The following COL5A2 variants were observed in gnomAD, a reference collection of about 807,000 sequenced individuals.
COL5A2 encodes collagen type V alpha 2 chain.
Under a neutral mutation model 208.2 loss-of-function variants are expected in COL5A2, and 23 were observed. The ratio of observed to expected loss-of-function variants is 0.11; its 90% confidence interval spans 0.08 to 0.16. COL5A2 has a LOEUF of 0.16. COL5A2 is among the 10% of genes least tolerant of loss of function. The pLI, the probability that COL5A2 is intolerant of heterozygous loss-of-function variation, is 1.00. For missense variants in COL5A2, 1,590 were observed against 1,956.4 expected (o/e 0.81, Z 3.53); for synonymous variants, 625 against 628.5 (o/e 0.99, Z 0.08).
chr2:189,224,798 A>T (rs1409669457), intron 1 of COL5A2, among the ~76,000 whole-genome samples: 2 of 152,156 alleles, frequency 1.3e-5, no homozygotes, highest in South Asian at 4.1e-4. Flanking sequence ...AAAACTTTCT[A>T]TGCATCCAAA....
intron 1 of COL5A2, among the ~76,000 whole-genome samples, chr2:189,211,899 T>C (rs1689217202): frequency 6.6e-6 from 1 of 152,124 alleles, no homozygotes; most frequent in Admixed American, 6.5e-5. Flanking sequence ...AAACCACCAA[T>C]AGCCTCGAGC....
chr2:189,399,567 G>A, the COL5A2 span, among the ~76,000 whole-genome samples: 1 of 151,934 alleles, frequency 6.6e-6, no homozygotes, highest in African/African-American at 2.4e-5. Flanking sequence ...GTTTTTGAAG[G>A]ATATATTTTT....
At chr2:189,143,177 A>C (rs1687968921) in intron 1 of COL5A2, among the ~76,000 whole-genome samples, 2 of 152,090 alleles carry the variant, frequency 1.3e-5, no homozygotes, top group South Asian at 4.1e-4. Flanking sequence ...CAGTTTGTAC[A>C]CTTCACAAAG....
the COL5A2 span, among the ~76,000 whole-genome samples, chr2:189,413,628 G>A: frequency 6.6e-6 from 1 of 151,942 alleles, no homozygotes; most frequent in African/African-American, 2.4e-5. Context: ...TTTGTGTTAG[G>A]GAGGGGCCGG....
chr2:189,325,572 T>C, the COL5A2 span, among the ~76,000 whole-genome samples: 1 of 152,152 alleles, frequency 6.6e-6, no homozygotes, highest in Non-Finnish European at 1.5e-5. Flanking sequence ...CAATTAATCA[T>C]TCATATGTTT....
the COL5A2 span, among the ~76,000 whole-genome samples, chr2:189,398,647 C>T: frequency 2.0e-5 from 3 of 152,188 alleles, no homozygotes; most frequent in South Asian, 6.2e-4. Context: ...TTCGACCTTT[C>T]ACTGTGCTTA....
chr2:189,074,453 T>C (rs937382077), intron 17 of COL5A2, among the ~76,000 whole-genome samples: 1 of 152,102 alleles, frequency 6.6e-6, no homozygotes, highest in Admixed American at 6.6e-5. Context: ...ATGTACAAAA[T>C]ATTGGTACAC....
At chr2:189,044,084 G>A (rs1328606672) in intron 47 of COL5A2, among the ~76,000 whole-genome samples, 1 of 152,120 alleles carries the variant, frequency 6.6e-6, no homozygotes, top group Admixed American at 6.6e-5. Flanking sequence ...AAACTGACAA[G>A]TGGCATAGAG....
intron 1 of COL5A2, among the ~76,000 whole-genome samples, chr2:189,219,880 C>T (rs945670131): frequency 1.3e-5 from 2 of 152,010 alleles, no homozygotes; most frequent in Non-Finnish European, 2.9e-5. Flanking sequence ...AGTGCCCCCC[C>T]CCCACTCTTA....
the COL5A2 span, among the ~76,000 whole-genome samples, chr2:189,287,287 AC>A: frequency 1.8e-4 from 27 of 152,282 alleles, no homozygotes; most frequent in African/African-American, 6.5e-4. Context: ...AAATTTTTTT[AC>A]AAAAATTTTT....
At chr2:189,430,699 AG>A in the COL5A2 span, among the ~76,000 whole-genome samples, 137,952 of 152,274 alleles carry the variant, frequency 0.91, 63,342 homozygotes, top group Non-Finnish European at 0.98. Context: ...AACTGGGTGG[AG>A]GCCCACTGCA....
At chr2:189,277,581 T>C in the COL5A2 span, among the ~76,000 whole-genome samples, 2 of 152,050 alleles carry the variant, frequency 1.3e-5, no homozygotes, top group Admixed American at 6.6e-5. Flanking sequence ...AGGTTATAGT[T>C]TGGGAAGACA....
chr2:189,439,607 T>C, the COL5A2 span, among the ~76,000 whole-genome samples: 37 of 152,326 alleles, frequency 2.4e-4, no homozygotes, highest in South Asian at 6.2e-3. Context: ...CAACGCACTA[T>C]TAATTAAACA....
chr2:189,362,992 G>A, the COL5A2 span, among the ~76,000 whole-genome samples: 1 of 151,866 alleles, frequency 6.6e-6, no homozygotes, highest in African/African-American at 2.4e-5. Context: ...TAAGTTCCTA[G>A]ACTATAAAAT....
At chr2:189,294,044 T>C in the COL5A2 span, among the ~76,000 whole-genome samples, 60 of 143,448 alleles carry the variant, frequency 4.2e-4, no homozygotes, top group African/African-American at 1.6e-3. Flanking sequence ...GCTGAGATCA[T>C]GACACTGCAC....
chr2:189,338,595 T>A, the COL5A2 span, among the ~76,000 whole-genome samples: 2 of 151,920 alleles, frequency 1.3e-5, no homozygotes, highest in East Asian at 3.9e-4. Flanking sequence ...ATCATTTACA[T>A]AAGGTCATGT....
chr2:189,305,225 G>A, the COL5A2 span, among the ~76,000 whole-genome samples: 1 of 152,192 alleles, frequency 6.6e-6, no homozygotes, highest in Admixed American at 6.5e-5. Context: ...AAGTAGTTCT[G>A]GTAGGAAATG....
the COL5A2 span, among the ~76,000 whole-genome samples, chr2:189,357,773 A>AAAC: frequency 1.5e-4 from 22 of 151,138 alleles, no homozygotes; most frequent in Non-Finnish European, 2.4e-4. Flanking sequence ...GAAAAAAAAA[A>AAAC]AAAAAAACTC....
chr2:189,060,670 A>C, intron 31 of COL5A2, 60 bp downstream of exon 31: 1 of 1,401,438 alleles, frequency 7.1e-7, no homozygotes, highest in Non-Finnish European at 1.0e-6. Context: ...CTCACACATA[A>C]AAAGTGATAA....
Sources: gnomAD v4.1 joint callset for allele counts (sites outside exome capture counted in the v4.1 genomes callset) on GRCh38, gnomAD v4.1.1 for gene constraint, MANE v1.5 for transcripts, NCBI Gene and HGNC (gene_info 2026-07-23, HGNC 2026-07-21) for gene names.